Variants in GLI2 observed in about 807,000 individuals in gnomAD.
GLI2 encodes the protein GLI family zinc finger 2.
Under a neutral mutation model 78.9 loss-of-function variants are expected in GLI2, and 22 were observed. The ratio of observed to expected loss-of-function variants is 0.28; its 90% CI spans 0.20 to 0.40. The LOEUF is 0.40. Ranked by LOEUF, GLI2 falls within the 10% of genes least tolerant of loss-of-function variation. The pLI is 1.00. For synonymous variants in GLI2, 974 were observed against 963.7 expected (o/e 1.01, Z -0.20); for missense variants, 2,097 against 2,213.2 (o/e 0.95, Z 1.05).
chr2:120,848,121 A>C (rs1360775333), intron 2 of GLI2, among the ~76,000 whole-genome samples: 1 of 152,208 alleles, frequency 6.6e-6, no homozygotes, highest in Non-Finnish European at 1.5e-5. Flanking sequence ...CGGCCCCCGC[A>C]GACCGCGCAG....
At chr2:120,853,413 T>C (rs1265170884) in intron 2 of GLI2, among the ~76,000 whole-genome samples, 1 of 152,014 alleles carries the variant, frequency 6.6e-6, no homozygotes, top group African/African-American at 2.4e-5. Context: ...GGTTCCACCA[T>C]TGGTTCTGGG....
intron 2 of GLI2, among the ~76,000 whole-genome samples, chr2:120,860,559 T>A (rs944214815): frequency 3.9e-5 from 6 of 152,056 alleles, no homozygotes; most frequent in African/African-American, 1.4e-4. Flanking sequence ...ACGGGCCACT[T>A]TGAGGAGTTG....
intron 2 of GLI2, among the ~76,000 whole-genome samples, chr2:120,825,923 G>A (rs976848365): frequency 6.6e-6 from 1 of 152,244 alleles, no homozygotes; most frequent in African/African-American, 2.4e-5. Flanking sequence ...CACAAGCCTT[G>A]GCTGCTCAGA....
chr2:120,932,639 GACAACCCACATA>G (rs140824829), intron 3 of GLI2, among the ~76,000 whole-genome samples: 2,210 of 152,334 alleles, frequency 0.015, 46 homozygotes, highest in African/African-American at 0.046. Flanking sequence ...GATCTGCTGA[GACAACCCACATA>G]ACCCAGCCAA....
chr2:120,759,338 C>T (rs1051076866), intron 1 of GLI2, among the ~76,000 whole-genome samples: 1 of 152,118 alleles, frequency 6.6e-6, no homozygotes, highest in Admixed American at 6.5e-5. Flanking sequence ...AAGACCGCCC[C>T]ACATCTGTGG....
At chr2:120,840,160 C>G (rs1479172211) in intron 2 of GLI2, among the ~76,000 whole-genome samples, 1 of 152,168 alleles carries the variant, frequency 6.6e-6, no homozygotes, top group African/African-American at 2.4e-5. Flanking sequence ...AAATTTGAAG[C>G]CTTAGGATCC....
rs1428434007 is a variant in GLI2 at position 120,800,057 on chromosome 2, C to A, written c.148+2589C>A. ...TGGCATTGGTGAAGGAGGAAGTCTT[C>A]ATGGGCCAGAAGCGTTTGCTGCAGC... On this transcript the variant is annotated intron_variant, in intron 2 of 13. Coordinates refer to ENST00000361492, the MANE Select transcript of GLI2 (RefSeq NM_001374353.1). The surrounding 1 kb of genome is among the most constrained non-coding windows in gnomAD (Gnocchi z 4.1). 1.3e-5 allele frequency among the ~76,000 whole-genome samples: 2 copies of A among 152,150 alleles called. No homozygotes were observed. The highest frequency in any genetic ancestry group is 4.8e-5 in the African/African-American group (2 of 41,414).
intron 3 of GLI2, among the ~76,000 whole-genome samples, chr2:120,936,551 T>C (rs1421150483): frequency 6.6e-6 from 1 of 152,206 alleles, no homozygotes; most frequent in Non-Finnish European, 1.5e-5. Flanking sequence ...AGCTCTTCCC[T>C]ATGCCGTGAT....
chr2:120,970,623 G>A lies in GLI2; in HGVS notation c.1059+17G>A, dbSNP rs1682101458. The A allele has an allele frequency of 5.0e-6, 8 of 1,592,910 alleles. No individual in the cohort carries two copies. The highest frequency in any genetic ancestry group is 6.9e-6 in the Non-Finnish European group (8 of 1,160,922). ...ACCAACCAGGTAGGTGGGTGCAGGG[G>A]CCAGGATGGCCACTGGGTACTCATC... On this transcript the variant is annotated intron_variant, in intron 7 of 13. Transcript: ENST00000361492.
intron 2 of GLI2, among the ~76,000 whole-genome samples, chr2:120,845,151 T>A (rs1687054321): frequency 6.6e-6 from 1 of 152,134 alleles, no homozygotes; most frequent in Non-Finnish European, 1.5e-5. Context: ...TGCACGCCTG[T>A]AATCCCAGCT....
chr2:120,937,154 G>A (rs189135138), intron 3 of GLI2, among the ~76,000 whole-genome samples: 74 of 152,260 alleles, frequency 4.9e-4, no homozygotes, highest in Admixed American at 2.0e-3. Context: ...CTTAATGCTC[G>A]TTCCTCTGAG....
At chr2:120,936,999 C>T (rs1255162128) in intron 3 of GLI2, among the ~76,000 whole-genome samples, 4 of 152,260 alleles carry the variant, frequency 2.6e-5, no homozygotes, top group Middle Eastern at 3.4e-3. Flanking sequence ...GTCTGGTGCC[C>T]GTCAAAAAGT....
chr2:120,737,398 T>A lies in GLI2; in HGVS notation c.-31+1113T>A, dbSNP rs1392900624. On this transcript the variant is annotated intron_variant, in intron 1 of 13. Coordinates refer to ENST00000361492, the MANE Select transcript of GLI2 (RefSeq NM_001374353.1). The surrounding 1 kb of genome is among the most constrained non-coding windows in gnomAD (Gnocchi z 4.3). The stretch of plus-strand genomic sequence containing the variant: ...CCTGGGTGATCGGTCGCTGAGGCTC[T>A]CGGGGACCTCGAGCCCCCCCGAGGG... 3.9e-5 allele frequency among the ~76,000 whole-genome samples: 6 copies of A among 152,270 alleles called. No individual in the cohort carries two copies. The highest frequency in any genetic ancestry group is 2.9e-5 in the Non-Finnish European group (2 of 68,018).
chr2:120,933,540 C>T (rs1218090856), intron 3 of GLI2, among the ~76,000 whole-genome samples: 1 of 152,208 alleles, frequency 6.6e-6, no homozygotes, highest in Non-Finnish European at 1.5e-5. Flanking sequence ...CCCCAGCAGT[C>T]TCTCCAACCT....
chr2:120,920,995 G>A (rs903097232), intron 2 of GLI2, among the ~76,000 whole-genome samples: 5 of 151,702 alleles, frequency 3.3e-5, no homozygotes, highest in Middle Eastern at 3.2e-3. Context: ...TTCTTCCCAC[G>A]CATCTTCATG....
chr2:120,815,515 G>A (rs1377578137), intron 2 of GLI2, among the ~76,000 whole-genome samples: 2 of 152,196 alleles, frequency 1.3e-5, no homozygotes, highest in Non-Finnish European at 2.9e-5. Flanking sequence ...TGGCTCAGCC[G>A]TCTTGCTGTG....
At chr2:120,873,822 C>G (rs1254764221) in intron 2 of GLI2, among the ~76,000 whole-genome samples, 1 of 152,120 alleles carries the variant, frequency 6.6e-6, no homozygotes, top group African/African-American at 2.4e-5. Context: ...TGAAATGGAC[C>G]GACATAAAAT....
At chr2:120,987,641 C>T (rs1683041444) in intron 13 of GLI2, among the ~76,000 whole-genome samples, 1 of 152,190 alleles carries the variant, frequency 6.6e-6, no homozygotes, top group Non-Finnish European at 1.5e-5. Flanking sequence ...TAAACTCCAT[C>T]TCAGGGACGC....
intron 5 of GLI2, among the ~76,000 whole-genome samples, chr2:120,967,010 G>A (rs991991973): frequency 1.3e-5 from 2 of 152,240 alleles, no homozygotes; most frequent in Admixed American, 1.3e-4. Context: ...CTGCCTGGAG[G>A]AGGGGGCACC....
Sources: gnomAD v4.1 joint callset for allele counts (sites outside exome capture counted in the v4.1 genomes callset) on GRCh38, gnomAD v4.1.1 for gene constraint, Gnocchi (gnomAD v3.1) non-coding constraint, MANE v1.5 for transcripts, NCBI Gene and HGNC (gene_info 2026-07-23, HGNC 2026-07-21) for gene names.